Variants in NCOA2 observed in about 807,000 individuals in gnomAD.
NCOA2 encodes class E basic helix-loop-helix protein 75.
In NCOA2, 21 loss-of-function variants were observed where a neutral mutation model predicts 145.1. The observed-to-expected ratio is 0.14, with a 90% confidence interval of 0.10 to 0.21. The LOEUF (loss-of-function observed/expected upper bound fraction) is 0.21. Ranked by LOEUF, NCOA2 falls within the 10% of genes least tolerant of loss-of-function variation. The probability of loss-of-function intolerance (pLI) is 1.00; values close to 1 mark genes in which losing one functional copy is unlikely to be tolerated. For synonymous variants in NCOA2, 619 were observed against 637.5 expected, an observed-to-expected ratio of 0.97 and a Z score of 0.44; for missense variants, 1,472 against 1,837.6, an observed-to-expected ratio of 0.80 and a Z score of 3.64.
chr8:70,269,196 TCAG>T (rs1338979321), intron 2 of NCOA2, among the ~76,000 whole-genome samples: 1 of 152,228 alleles, frequency 6.6e-6, no homozygotes, highest in Non-Finnish European at 1.5e-5. Context: ...CCTTGTTGGT[TCAG>T]CCTTTGACAA....
chr8:70,390,718 G>A (rs1813119614), intron 1 of NCOA2, among the ~76,000 whole-genome samples: 1 of 152,122 alleles, frequency 6.6e-6, no homozygotes, highest in Admixed American at 6.5e-5. Context: ...AGTGAGCTAT[G>A]ATCCGTGCCA....
At chr8:70,150,742 C>T (rs1223186157) in intron 11 of NCOA2, among the ~76,000 whole-genome samples, 1 of 152,202 alleles carries the variant, frequency 6.6e-6, no homozygotes, top group Non-Finnish European at 1.5e-5. Context: ...TCAGTATAAA[C>T]ATAGATTGTC....
chr8:70,123,863 T>G (rs1808104220), intron 21 of NCOA2, 21 bp downstream of exon 21: 1 of 1,578,012 alleles, frequency 6.3e-7, no homozygotes, highest in Non-Finnish European at 8.6e-7. Flanking sequence ...GCCACTGGGT[T>G]GCTTCTCCTT....
intron 1 of NCOA2, among the ~76,000 whole-genome samples, chr8:70,325,437 C>CT (rs534793633): frequency 0.017 from 2,461 of 146,294 alleles, 53 homozygotes; most frequent in African/African-American, 0.055. Flanking sequence ...AACATAACAT[C>CT]TTTTTTTTTT....
the NCOA2 span, among the ~76,000 whole-genome samples, chr8:70,416,148 A>C: frequency 1.3e-5 from 2 of 151,462 alleles, no homozygotes; most frequent in Non-Finnish European, 2.9e-5. Flanking sequence ...GTCTGAAGGA[A>C]GTCTGGAAAC....
At chr8:70,129,889 C>G (rs1029513041) in intron 16 of NCOA2, among the ~76,000 whole-genome samples, 1 of 152,196 alleles carries the variant, frequency 6.6e-6, no homozygotes, top group Non-Finnish European at 1.5e-5. Flanking sequence ...AGGCTGGTCT[C>G]GAACTCCCAA....
chr8:70,196,375 C>T (rs1201742103), intron 4 of NCOA2, among the ~76,000 whole-genome samples: 1 of 151,730 alleles, frequency 6.6e-6, no homozygotes, highest in East Asian at 1.9e-4. Flanking sequence ...GACTGTGTCT[C>T]AAAAAAATAA....
intron 2 of NCOA2, among the ~76,000 whole-genome samples, chr8:70,222,495 T>C (rs75897030): frequency 6.6e-6 from 1 of 152,198 alleles, no homozygotes; most frequent in African/African-American, 2.4e-5. Flanking sequence ...CTCAGTATCG[T>C]CTGCTCTTAG....
chr8:70,417,421 C>T, the NCOA2 span, among the ~76,000 whole-genome samples: 25 of 151,698 alleles, frequency 1.6e-4, no homozygotes, highest in South Asian at 2.1e-4. Flanking sequence ...TGGTGGTGGG[C>T]GCCTGTAATC....
chr8:70,132,050 T>G, intron 15 of NCOA2, 48 bp from the exon 16 acceptor site: 4 of 1,559,376 alleles, frequency 2.6e-6, no homozygotes, highest in Non-Finnish European at 3.5e-6. Flanking sequence ...AGCTAGTTGA[T>G]TAGAGAACAA....
intron 1 of NCOA2, among the ~76,000 whole-genome samples, chr8:70,369,313 A>T (rs1024142398): frequency 1.3e-5 from 2 of 152,206 alleles, no homozygotes; most frequent in African/African-American, 4.8e-5. Context: ...TCTTTTATAA[A>T]ATTGAGAGAC....
At chr8:70,315,312 A>AC (rs2136075641) in intron 1 of NCOA2, among the ~76,000 whole-genome samples, 1 of 152,350 alleles carries the variant, frequency 6.6e-6, no homozygotes, top group East Asian at 1.9e-4. Flanking sequence ...TTAAAAAACA[A>AC]AACAAACAGA....
chr8:70,126,052 A>G (rs1200333764), intron 19 of NCOA2, among the ~76,000 whole-genome samples: 2 of 152,238 alleles, frequency 1.3e-5, no homozygotes, highest in Admixed American at 1.3e-4. Flanking sequence ...CTGTTCTTTA[A>G]AGAAACAGGA....
chr8:70,253,373 C>T (rs939319391), intron 2 of NCOA2, among the ~76,000 whole-genome samples: 1 of 152,040 alleles, frequency 6.6e-6, no homozygotes, highest in Admixed American at 6.5e-5. Flanking sequence ...AAAATCCCTG[C>T]CCTCCAGGGA....
intron 2 of NCOA2, among the ~76,000 whole-genome samples, chr8:70,221,149 A>G (rs547162249): frequency 6.6e-6 from 1 of 152,340 alleles, no homozygotes; most frequent in South Asian, 2.1e-4. Flanking sequence ...TACGATAGAC[A>G]TATGAAATTG....
intron 2 of NCOA2, among the ~76,000 whole-genome samples, chr8:70,227,152 C>T (rs1465963022): frequency 2.0e-5 from 3 of 152,230 alleles, no homozygotes; most frequent in Admixed American, 6.5e-5. Context: ...GCTCATGCTG[C>T]TGCCTCCCAC....
intron 4 of NCOA2, among the ~76,000 whole-genome samples, chr8:70,201,117 T>C (rs1167178617): frequency 6.7e-6 from 1 of 148,762 alleles, no homozygotes; most frequent in African/African-American, 2.5e-5. Flanking sequence ...CATTTAAAGA[T>C]GGTAAATTTT....
intron 4 of NCOA2, among the ~76,000 whole-genome samples, chr8:70,177,563 G>T (rs1433328386): frequency 6.6e-6 from 1 of 152,168 alleles, no homozygotes; most frequent in Non-Finnish European, 1.5e-5. Flanking sequence ...GGTAGAGGAG[G>T]AAGATAGAAT....
chr8:70,188,399 A>G (rs4738076), intron 4 of NCOA2, among the ~76,000 whole-genome samples: 115,287 of 152,156 alleles, frequency 0.76, 44,779 homozygotes, highest in Non-Finnish European at 0.84. Context: ...CAAGCTTATC[A>G]TAATGCCGTA....
Sources: allele counts gnomAD v4.1 joint callset (sites outside exome capture counted in the v4.1 genomes callset), GRCh38; gene constraint gnomAD v4.1.1; transcripts MANE v1.5; gene names NCBI Gene and HGNC (gene_info 2026-07-23, HGNC 2026-07-21).